UNC13C: variants seen among roughly 807,000 people sequenced by gnomAD.
The protein encoded by UNC13C is unc-13 homolog C, also known as protein unc-13 homolog C.
A neutral mutation model predicts 245.4 loss-of-function variants in UNC13C; 174 were observed. The ratio of observed to expected loss-of-function variants is 0.71; its 90% CI spans 0.63 to 0.80. The LOEUF is 0.80. UNC13C is among the 30% of genes least tolerant of loss of function. UNC13C has a pLI of 0.00. For missense variants in UNC13C, 2,829 were observed against 2,602.9 expected (o/e 1.09, Z -1.89); for synonymous variants, 992 against 895.1 (o/e 1.11, Z -1.93).
In UNC13C at chr15:54,321,920, T is replaced by C. The variant is rs1374893107; in HGVS notation, c.4269-19T>C. 2.6e-6 allele frequency: 4 copies of C among 1,548,910 alleles called. No homozygotes were observed. Among genetic ancestry groups the C allele is most frequent in the East Asian group, 4.8e-5 (2 of 41,522 alleles). On this transcript the variant is annotated intron_variant, in intron 13 of 32. Transcript: ENST00000260323. Reference sequence around the variant, plus strand: ...ATTAATTTCTGTCTTAAAAACACTTTATGTTTTTTGTCTTTCAGGCACTTT... The same window carrying C: ...ATTAATTTCTGTCTTAAAAACACTTCATGTTTTTTGTCTTTCAGGCACTTT...
rs1223475584 is a variant in UNC13C, at chr15:54,012,758, A to G, written c.-146A>G. On this transcript the variant is annotated 5_prime_UTR_variant, in exon 2 of 33. The change abolishes an upstream ATG in the 5' untranslated region. Transcript: ENST00000260323. ...TTCTGGTTTGCACAGGACAGCGACA[A>G]TGTGGCAGAGCCATGCCTGCCCTTC... is the stretch of plus-strand genomic sequence containing the variant. 6 of 651,274 alleles carry G rather than the reference A, an allele frequency of 9.2e-6. No individual in the cohort carries two copies. Among genetic ancestry groups the G allele is most frequent in the Non-Finnish European group, 1.6e-5 (6 of 374,852 alleles). The allele number at this position is 651,274 out of a possible 1,614,324, so 40.3% of individuals were successfully genotyped here.
At chr15:53,887,132 A>G in the UNC13C span, among the ~76,000 whole-genome samples, 5 of 152,228 alleles carry the variant, frequency 3.3e-5, no homozygotes, top group Admixed American at 6.5e-5. Flanking sequence ...TTCATTAATT[A>G]TAACAAATGT....
chr15:54,061,515 A>C (rs1897833777), intron 2 of UNC13C, among the ~76,000 whole-genome samples: 1 of 152,192 alleles, frequency 6.6e-6, no homozygotes, highest in Non-Finnish European at 1.5e-5. Context: ...AGACCAACTT[A>C]AAGGCCTCTG....
At chr15:53,851,284 T>C in the UNC13C span, among the ~76,000 whole-genome samples, 1 of 152,170 alleles carries the variant, frequency 6.6e-6, no homozygotes, top group African/African-American at 2.4e-5. Context: ...TGCAGAGTAC[T>C]GGACTTTGTT....
intron 10 of UNC13C, among the ~76,000 whole-genome samples, chr15:54,282,477 G>T (rs2037023281): frequency 6.6e-6 from 1 of 152,100 alleles, no homozygotes; most frequent in African/African-American, 2.4e-5. Flanking sequence ...GGGACCTGTG[G>T]CCAGACCAGG....
At chr15:54,419,080 A>G (rs1283215771) in intron 19 of UNC13C, among the ~76,000 whole-genome samples, 2 of 152,204 alleles carry the variant, frequency 1.3e-5, no homozygotes, top group South Asian at 2.1e-4. Flanking sequence ...TGGTTTCTAA[A>G]TAACAGAAGA....
At chr15:53,875,887 TTGAC>T in the UNC13C span, among the ~76,000 whole-genome samples, 6 of 152,172 alleles carry the variant, frequency 3.9e-5, no homozygotes, top group African/African-American at 1.2e-4. Flanking sequence ...GAAGAGTTGT[TTGAC>T]TGACACTGAA....
the UNC13C span, among the ~76,000 whole-genome samples, chr15:53,958,498 G>T: frequency 6.6e-6 from 1 of 152,124 alleles, no homozygotes; most frequent in Admixed American, 6.6e-5. Context: ...ACTAGAAAGG[G>T]CTGAATACAG....
chr15:54,613,165 C>T (rs555227101), intron 30 of UNC13C, among the ~76,000 whole-genome samples: 10 of 151,812 alleles, frequency 6.6e-5, no homozygotes, highest in African/African-American at 2.4e-4. Flanking sequence ...AGCTTTTTTA[C>T]ATAATAGCCA....
chr15:54,230,454 T>G (rs2035518960), intron 4 of UNC13C, among the ~76,000 whole-genome samples: 1 of 125,762 alleles, frequency 8.0e-6, no homozygotes, highest in Admixed American at 8.2e-5. Flanking sequence ...ATCAGTCAAT[T>G]TTGAGTGAAA....
intron 30 of UNC13C, among the ~76,000 whole-genome samples, chr15:54,607,976 T>C (rs1899862149): frequency 6.6e-6 from 1 of 152,114 alleles, no homozygotes; most frequent in Non-Finnish European, 1.5e-5. Context: ...TTTCATAACT[T>C]CTCCTCAAAA....
chr15:54,255,673 G>A (rs1415369704), intron 8 of UNC13C, among the ~76,000 whole-genome samples: 1 of 97,390 alleles, frequency 1.0e-5, no homozygotes, highest in Non-Finnish European at 1.9e-5. Context: ...TGGCAGGCCA[G>A]GGTTTCTTGG....
chr15:53,934,149 C>G, the UNC13C span, among the ~76,000 whole-genome samples: 1 of 152,208 alleles, frequency 6.6e-6, no homozygotes, highest in East Asian at 1.9e-4. Flanking sequence ...CTCACAAGAT[C>G]TCACTTGCTA....
At chr15:54,241,503 G>A (rs550345626) in intron 7 of UNC13C, among the ~76,000 whole-genome samples, 4 of 152,284 alleles carry the variant, frequency 2.6e-5, no homozygotes, top group African/African-American at 7.2e-5. Context: ...ACCTGGATAA[G>A]TTTTGAAGTG....
At chr15:53,949,651 A>G in the UNC13C span, among the ~76,000 whole-genome samples, 1 of 152,162 alleles carries the variant, frequency 6.6e-6, no homozygotes, top group Non-Finnish European at 1.5e-5. Context: ...TGAATCCCAA[A>G]CAGAGGACCT....
intron 19 of UNC13C, among the ~76,000 whole-genome samples, chr15:54,464,287 G>C: frequency 6.6e-6 from 1 of 151,944 alleles, no homozygotes; most frequent in East Asian, 1.9e-4. Flanking sequence ...CATGAACTTT[G>C]TCAGTTTTTC....
At chr15:54,569,954 G>A (rs1383416097) in intron 30 of UNC13C, among the ~76,000 whole-genome samples, 3 of 151,848 alleles carry the variant, frequency 2.0e-5, no homozygotes, top group African/African-American at 7.3e-5. Flanking sequence ...CACCAGACAT[G>A]TTCAGGCCCA....
chr15:54,173,140 A>G (rs562095985), intron 4 of UNC13C, among the ~76,000 whole-genome samples: 1 of 152,060 alleles, frequency 6.6e-6, no homozygotes, highest in African/African-American at 2.4e-5. Flanking sequence ...CTTGATAATA[A>G]GCCTTGAAAA....
the UNC13C span, among the ~76,000 whole-genome samples, chr15:53,950,216 GAACA>G: frequency 6.6e-6 from 1 of 152,116 alleles, no homozygotes; most frequent in Non-Finnish European, 1.5e-5. Context: ...CCATCACGTG[GAACA>G]AACCTTATAT....
Sources: allele counts gnomAD v4.1 joint callset (sites outside exome capture counted in the v4.1 genomes callset), GRCh38; gene constraint gnomAD v4.1.1; transcripts MANE v1.5; gene names NCBI Gene and HGNC (gene_info 2026-07-23, HGNC 2026-07-21).